Variants in PSMD14 observed in about 807,000 individuals in gnomAD.
PSMD14 encodes the protein ubiquitin C-terminal hydrolase PSMD14.
Under a neutral mutation model 41.2 loss-of-function variants are expected in PSMD14, and 7 were observed. That is an observed-to-expected ratio of 0.17 (90% CI 0.10 to 0.32). PSMD14 has a LOEUF of 0.32. Among genes scored for constraint, PSMD14 ranks in the 10% least tolerant of loss-of-function variants. The probability of loss-of-function intolerance (pLI) is 1.00; values close to 1 mark genes in which losing one functional copy is unlikely to be tolerated. For missense variants in PSMD14, 139 were observed against 375.6 expected, an observed-to-expected ratio of 0.37 and a Z score of 5.21; for synonymous variants, 114 against 122.3, an observed-to-expected ratio of 0.93 and a Z score of 0.45.
chr2:161,367,946 T>C, intron 5 of PSMD14, 43 bp downstream of exon 5: 1 of 1,572,530 alleles, frequency 6.4e-7, no homozygotes, highest in Non-Finnish European at 8.6e-7. Context: ...AATGTGTTTC[T>C]TTTCATTTTT....
intron 1 of PSMD14, among the ~76,000 whole-genome samples, chr2:161,312,193 G>T (rs1389813985): frequency 4.0e-5 from 6 of 151,704 alleles, no homozygotes; most frequent in African/African-American, 1.5e-4. Flanking sequence ...ACCCAGGCTG[G>T]AGTGCGGTGG....
At chr2:161,406,278 G>A (rs535257999) in intron 10 of PSMD14, among the ~76,000 whole-genome samples, 39 of 152,286 alleles carry the variant, frequency 2.6e-4, no homozygotes, top group Non-Finnish European at 4.6e-4. Flanking sequence ...TGTGCAGACC[G>A]TGCATGATGG....
intron 10 of PSMD14, among the ~76,000 whole-genome samples, chr2:161,401,578 C>A (rs1386926329): frequency 6.6e-6 from 1 of 152,140 alleles, no homozygotes; most frequent in African/African-American, 2.4e-5. Flanking sequence ...TCGGATTCTG[C>A]CATAGAAATT....
At chr2:161,342,316 T>C (rs1204319427) in intron 3 of PSMD14, among the ~76,000 whole-genome samples, 2 of 151,988 alleles carry the variant, frequency 1.3e-5, no homozygotes, top group East Asian at 3.9e-4. Flanking sequence ...TTCCCTGCTA[T>C]TCCTACTTTG....
intron 3 of PSMD14, among the ~76,000 whole-genome samples, chr2:161,352,525 G>T (rs978631466): frequency 3.3e-5 from 5 of 152,058 alleles, no homozygotes; most frequent in African/African-American, 1.2e-4. Flanking sequence ...TATATATACT[G>T]TGTATTTTCT....
At chr2:161,406,568 T>C (rs543765692) in intron 10 of PSMD14, among the ~76,000 whole-genome samples, 124 of 152,296 alleles carry the variant, frequency 8.1e-4, no homozygotes, top group Non-Finnish European at 1.5e-3. Context: ...AAACTGGTCT[T>C]GCCCAGATGG....
chr2:161,391,769 G>C (rs1683715101), intron 9 of PSMD14, among the ~76,000 whole-genome samples: 1 of 151,942 alleles, frequency 6.6e-6, no homozygotes, highest in South Asian at 2.1e-4. Flanking sequence ...TTTTTGGGTG[G>C]TGGGTGGGAG....
chr2:161,396,362 G>C (rs1443029365), intron 10 of PSMD14, among the ~76,000 whole-genome samples: 1 of 152,066 alleles, frequency 6.6e-6, no homozygotes, highest in Non-Finnish European at 1.5e-5. Context: ...TAGTACCCAA[G>C]ATATGGAGTC....
chr2:161,407,727 G>A (rs1213804012), intron 10 of PSMD14: 1 of 151,872 alleles, frequency 6.6e-6, no homozygotes, highest in Non-Finnish European at 1.5e-5. Flanking sequence ...ACCCTCACTG[G>A]GATTTTGGTT....
intron 3 of PSMD14, among the ~76,000 whole-genome samples, chr2:161,326,776 A>G (rs553756163): frequency 1.3e-5 from 2 of 152,366 alleles, no homozygotes; most frequent in South Asian, 4.1e-4. Context: ...AGTCCCTTAG[A>G]TAAAATGGCA....
chr2:161,383,762 A>C (rs972869438), intron 7 of PSMD14: 3 of 151,632 alleles, frequency 2.0e-5, no homozygotes, highest in Non-Finnish European at 4.4e-5. Flanking sequence ...TTAGGGTGGC[A>C]ATTCTTAATT....
intron 3 of PSMD14, among the ~76,000 whole-genome samples, chr2:161,343,225 T>A (rs1682992319): frequency 6.6e-6 from 1 of 152,188 alleles, no homozygotes. Flanking sequence ...ATACTTCATC[T>A]TCCACCCCCT....
intron 3 of PSMD14, among the ~76,000 whole-genome samples, chr2:161,327,644 A>G (rs925954849): frequency 4.6e-5 from 7 of 152,096 alleles, no homozygotes; most frequent in Non-Finnish European, 1.0e-4. Context: ...ATTATCCCCA[A>G]AAGACTACAG....
intron 3 of PSMD14, among the ~76,000 whole-genome samples, chr2:161,327,521 C>G (rs1682716691): frequency 6.6e-6 from 1 of 152,016 alleles, no homozygotes; most frequent in Non-Finnish European, 1.5e-5. Context: ...GATACCCTTC[C>G]CCAATCCCCC....
At chr2:161,367,064 G>A (rs1380815499) in intron 3 of PSMD14, among the ~76,000 whole-genome samples, 1 of 152,164 alleles carries the variant, frequency 6.6e-6, no homozygotes. Flanking sequence ...CTGTTGTGAT[G>A]AATTTGCAGA....
intron 3 of PSMD14, among the ~76,000 whole-genome samples, chr2:161,323,402 G>T (rs1682639186): frequency 6.6e-6 from 1 of 152,030 alleles, no homozygotes; most frequent in Admixed American, 6.6e-5. Context: ...GGTGGCTCAT[G>T]CCTGCAATCT....
intron 1 of PSMD14, among the ~76,000 whole-genome samples, chr2:161,315,409 T>A (rs760215645): frequency 9.2e-5 from 14 of 152,240 alleles, no homozygotes; most frequent in Non-Finnish European, 1.5e-4. Flanking sequence ...AACATTTTCT[T>A]TGTTGCTTTT....
intron 3 of PSMD14, among the ~76,000 whole-genome samples, chr2:161,344,373 C>T (rs570204087): frequency 2.6e-5 from 4 of 152,278 alleles, no homozygotes; most frequent in African/African-American, 9.6e-5. Context: ...AGACTGCTGG[C>T]TTCTTGTTGT....
chr2:161,328,196 A>G (rs1005392610), intron 3 of PSMD14, among the ~76,000 whole-genome samples: 8 of 152,160 alleles, frequency 5.3e-5, no homozygotes, highest in Non-Finnish European at 4.4e-5. Flanking sequence ...TTATATGTCT[A>G]TATCAGGAGA....
Sources: gnomAD v4.1 joint callset for allele counts (sites outside exome capture counted in the v4.1 genomes callset) on GRCh38, gnomAD v4.1.1 for gene constraint, MANE v1.5 for transcripts, NCBI Gene and HGNC (gene_info 2026-07-23, HGNC 2026-07-21) for gene names.